BMPER: variants seen among roughly 807,000 people sequenced by gnomAD.
BMPER encodes BMP-binding endothelial regulator protein.
In BMPER, 45 loss-of-function variants were observed where a neutral mutation model predicts 87.3. The ratio of observed to expected loss-of-function variants is 0.52; its 90% CI spans 0.41 to 0.66. BMPER has a LOEUF of 0.66. Among genes scored for constraint, BMPER ranks in the 30% least tolerant of loss-of-function variants. The probability of loss-of-function intolerance (pLI) is 0.00; values close to 1 mark genes in which losing one functional copy is unlikely to be tolerated. For missense variants in BMPER, 784 were observed against 867.5 expected, an observed-to-expected ratio of 0.90 and a Z score of 1.21; for synonymous variants, 326 against 316.2, an observed-to-expected ratio of 1.03 and a Z score of -0.33.
intron 6 of BMPER, among the ~76,000 whole-genome samples, chr7:34,010,137 A>T (rs1786840054): frequency 6.6e-6 from 1 of 151,954 alleles, no homozygotes; most frequent in Admixed American, 6.6e-5. Flanking sequence ...GACTCAGAAC[A>T]TGGGATGTCT....
intron 14 of BMPER, 133 bp downstream of exon 14, chr7:34,143,493 C>T (rs1351884310): frequency 7.5e-7 from 1 of 1,338,376 alleles, no homozygotes. Context: ...TCCAGTAGCC[C>T]ATCTGGATTG....
At chr7:33,923,133 A>G (rs1784276628) in intron 2 of BMPER, among the ~76,000 whole-genome samples, 1 of 152,140 alleles carries the variant, frequency 6.6e-6, no homozygotes. Flanking sequence ...GTAGATGAGT[A>G]TCACGGTCCT....
chr7:34,040,632 C>T (rs1181378857), intron 6 of BMPER, among the ~76,000 whole-genome samples: 1 of 151,890 alleles, frequency 6.6e-6, no homozygotes, highest in Non-Finnish European at 1.5e-5. Context: ...TGGAAATGGC[C>T]CATTATTATT....
intron 3 of BMPER, among the ~76,000 whole-genome samples, chr7:33,949,457 T>C (rs1432408894): frequency 6.6e-6 from 1 of 152,194 alleles, no homozygotes; most frequent in East Asian, 1.9e-4. Flanking sequence ...TCTTTGTGTG[T>C]GTGTGTTTCA....
intron 13 of BMPER, among the ~76,000 whole-genome samples, chr7:34,100,126 T>A (rs985399936): frequency 6.6e-6 from 1 of 152,188 alleles, no homozygotes; most frequent in Admixed American, 6.5e-5. Context: ...GTGCTCTGTG[T>A]TACGATTACA....
chr7:33,923,783 A>G (rs1381163207), intron 2 of BMPER, among the ~76,000 whole-genome samples: 1 of 152,216 alleles, frequency 6.6e-6, no homozygotes, highest in Non-Finnish European at 1.5e-5. Context: ...TATGTGATGG[A>G]CTTATAAGCA....
chr7:33,948,318 A>T (rs937306646), intron 3 of BMPER, among the ~76,000 whole-genome samples: 1 of 152,332 alleles, frequency 6.6e-6, no homozygotes, highest in South Asian at 2.1e-4. Context: ...CAATCCTCCA[A>T]TCTTAGGCTT....
At chr7:34,034,878 A>C (rs896817268) in intron 6 of BMPER, among the ~76,000 whole-genome samples, 3 of 152,084 alleles carry the variant, frequency 2.0e-5, no homozygotes, top group Non-Finnish European at 4.4e-5. Flanking sequence ...TTCCTCCCTC[A>C]GGGTGGATTT....
chr7:34,051,994 G>A (rs750992795), intron 8 of BMPER, 24 bp downstream of exon 8: 9 of 1,579,940 alleles, frequency 5.7e-6, no homozygotes, highest in African/African-American at 5.4e-5. Context: ...GAGAGGCTGT[G>A]GTCCAGCAAT....
At chr7:34,005,095 CTGAG>C (rs1381672040) in intron 6 of BMPER, among the ~76,000 whole-genome samples, 1 of 152,034 alleles carries the variant, frequency 6.6e-6, no homozygotes, top group Non-Finnish European at 1.5e-5. Flanking sequence ...CAGAGTGACT[CTGAG>C]TGAGAGATAA....
Position 34,046,299 on chromosome 7 carries a change from T to C in BMPER, c.577-7T>C. 1 of 1,613,076 alleles carries C rather than the reference T, an allele frequency of 6.2e-7. No homozygotes were observed. Among genetic ancestry groups the C allele is most frequent in the South Asian group, 1.1e-5 (1 of 91,072 alleles). On this transcript the variant is annotated splice_region_variant and splice_polypyrimidine_tract_variant and intron_variant, in intron 6 of 14. Coordinates refer to ENST00000649409, the MANE Select transcript of BMPER (RefSeq NM_001365308.1). ...TAAATATGCTTTTTTTTTCTCTCTT[T>C]TCTTAGGGAGGCAGGACACAATGTG...
chr7:33,916,398 C>A (rs1305686407), intron 2 of BMPER, among the ~76,000 whole-genome samples: 1 of 152,242 alleles, frequency 6.6e-6, no homozygotes, highest in African/African-American at 2.4e-5. Context: ...AAATGTCAAA[C>A]AAGTGACCAG....
At chr7:33,944,585 C>G (rs1784838966) in intron 3 of BMPER, among the ~76,000 whole-genome samples, 1 of 152,134 alleles carries the variant, frequency 6.6e-6, no homozygotes, top group African/African-American at 2.4e-5. Flanking sequence ...TTTGAAACTT[C>G]TAATACAAGG....
At chr7:34,098,861 G>A (rs968174248) in intron 13 of BMPER, among the ~76,000 whole-genome samples, 1 of 152,176 alleles carries the variant, frequency 6.6e-6, no homozygotes, top group African/African-American at 2.4e-5. Flanking sequence ...AAGGACTGCA[G>A]GACAGCTGAG....
At position 34,079,186 on chromosome 7, in the gene BMPER, G is replaced by A; in HGVS notation, c.1408G>A (p.Gly470Ser). Residue 470 changes from glycine to serine, a missense_variant and splice_region_variant, in exon 12 of 15, where the codon GGT (glycine) becomes AGT (serine). Physicochemically the swap from Gly to Ser is moderately conservative, Grantham distance 56. Coordinates refer to ENST00000649409, the MANE Select transcript of BMPER (RefSeq NM_001365308.1). ...GYLLKVTTKA[G>S]LEISWDGDSF... is the part of the protein sequence containing the mutation. ...CCTCTTGAAAGTGACCACCAAAGCA[G>A]GTGGGGCGTCTGTGGCCTCCCTCTT... is the stretch of plus-strand genomic sequence containing the variant. The A allele has an allele frequency of 6.2e-7, 1 of 1,613,532 alleles. No individual in the cohort carries two copies. The highest frequency in any genetic ancestry group is 1.1e-5 in the South Asian group (1 of 91,082).
At chr7:33,980,707 CCT>C (rs1411425647) in intron 6 of BMPER, among the ~76,000 whole-genome samples, 2 of 152,136 alleles carry the variant, frequency 1.3e-5, no homozygotes, top group Non-Finnish European at 2.9e-5. Context: ...AGCAGCAAGT[CCT>C]CTGTCTGTAA....
At chr7:33,943,435 A>G (rs964660407) in intron 3 of BMPER, among the ~76,000 whole-genome samples, 1 of 152,188 alleles carries the variant, frequency 6.6e-6, no homozygotes, top group Non-Finnish European at 1.5e-5. Context: ...TAGTATAGAT[A>G]TAGAGTAATT....
chr7:33,920,645 T>C (rs1038763703), intron 2 of BMPER, among the ~76,000 whole-genome samples: 8 of 151,840 alleles, frequency 5.3e-5, no homozygotes, highest in South Asian at 4.2e-4. Context: ...AGGCTGGTCT[T>C]GAACTCCTGA....
At chr7:34,125,282 T>G (rs1448487850) in intron 13 of BMPER, among the ~76,000 whole-genome samples, 2 of 152,192 alleles carry the variant, frequency 1.3e-5, no homozygotes, top group East Asian at 3.9e-4. Context: ...GTTTTGCTTT[T>G]CCTTGTTTGC....
Sources: gnomAD v4.1 joint callset for allele counts (sites outside exome capture counted in the v4.1 genomes callset) on GRCh38, gnomAD v4.1.1 for gene constraint, MANE v1.5 for transcripts, NCBI Gene and HGNC (gene_info 2026-07-23, HGNC 2026-07-21) for gene names.